PIK3CB: variants seen among roughly 807,000 people sequenced by gnomAD.
PIK3CB encodes the protein phosphatidylinositol 4,5-bisphosphate 3-kinase catalytic subunit beta isoform.
PIK3CB carries 39 observed loss-of-function variants against 136.8 expected under a neutral mutation model. That is an observed-to-expected ratio of 0.29 (90% CI 0.22 to 0.37). The LOEUF (loss-of-function observed/expected upper bound fraction) is 0.37, where lower values mean the gene tolerates loss of function less well. Ranked by LOEUF, PIK3CB falls within the 10% of genes least tolerant of loss-of-function variation. The pLI, the probability that PIK3CB is intolerant of heterozygous loss-of-function variation, is 1.00. For missense variants in PIK3CB, 868 were observed against 1,275.4 expected, an observed-to-expected ratio of 0.68 and a Z score of 4.87; for synonymous variants, 428 against 436.6, an observed-to-expected ratio of 0.98 and a Z score of 0.25.
intron 8 of PIK3CB, among the ~76,000 whole-genome samples, chr3:138,725,499 C>G (rs1032269121): frequency 6.6e-5 from 10 of 152,200 alleles, no homozygotes; most frequent in African/African-American, 2.4e-4. Context: ...TATTTTCTCA[C>G]AGGTTCCTGG....
chr3:138,829,290 T>C (rs1032432418), intron 1 of PIK3CB, among the ~76,000 whole-genome samples: 1 of 152,080 alleles, frequency 6.6e-6, no homozygotes, highest in South Asian at 2.1e-4. Flanking sequence ...AACAATTCGC[T>C]GACATGCAGA....
intron 6 of PIK3CB, 86 bp downstream of exon 6, chr3:138,737,621 C>T (rs565627018): frequency 1.7e-5 from 7 of 400,378 alleles, no homozygotes; most frequent in African/African-American, 1.3e-4. Flanking sequence ...AGTGTGGGAA[C>T]ACATTTTTAA....
In PIK3CB at chr3:138,719,235, ATTTTTTTTT is replaced by A. The variant is rs34980826; in HGVS notation, c.1051-4525_1051-4517del. Among the ~76,000 whole-genome samples, 310 of 69,642 alleles carry A rather than the reference ATTTTTTTTT, an allele frequency of 4.5e-3. 1 individual carries two copies. The highest frequency in any genetic ancestry group is 0.015 in the African/African-American group (244 of 16,530). The allele number at this position is 69,642 out of a possible 152,430, so 45.7% of individuals were successfully genotyped here. A position where few individuals can be genotyped will look rare whatever the true frequency, so the allele number is the denominator to read the frequency against. ...TATCAGAAACTTACATTAGCTCAGT[ATTTTTTTTT>A]TTTTTTTTTTTTTTTTTTTGAGATG... On this transcript the variant is annotated intron_variant, in intron 8 of 23. Transcript: ENST00000674063.
intron 2 of PIK3CB, chr3:138,770,365 T>G (rs796211392): frequency 1.6e-4 from 25 of 152,298 alleles, no homozygotes; most frequent in African/African-American, 5.8e-4. Flanking sequence ...CAACATAAAT[T>G]TGTTCTATAG....
At chr3:138,812,269 G>A (rs977401941) in intron 1 of PIK3CB, among the ~76,000 whole-genome samples, 27 of 150,138 alleles carry the variant, frequency 1.8e-4, no homozygotes, top group South Asian at 4.2e-4. Flanking sequence ...ACAGAGTCTC[G>A]CTGTCACCCA....
intron 1 of PIK3CB, among the ~76,000 whole-genome samples, chr3:138,808,596 G>A (rs1205021854): frequency 6.6e-6 from 1 of 151,876 alleles, no homozygotes; most frequent in Non-Finnish European, 1.5e-5. Context: ...TGGGGTGGGG[G>A]TCACTTGAGC....
intron 2 of PIK3CB, among the ~76,000 whole-genome samples, chr3:138,777,357 A>G (rs576745895): frequency 2.0e-5 from 3 of 152,158 alleles, no homozygotes; most frequent in Non-Finnish European, 4.4e-5. Context: ...CACTTAAGAC[A>G]CCTGCTTGTG....
chr3:138,821,862 G>C (rs1456697781), intron 1 of PIK3CB, among the ~76,000 whole-genome samples: 3 of 151,590 alleles, frequency 2.0e-5, no homozygotes, highest in African/African-American at 7.3e-5. Context: ...CAAGAGTTAA[G>C]ACAGCTTGGC....
intron 1 of PIK3CB, 141 bp downstream of exon 1, chr3:138,834,554 G>C (rs958702499): frequency 3.9e-5 from 6 of 152,386 alleles, no homozygotes; most frequent in African/African-American, 7.2e-5. Flanking sequence ...AGGAAGCGCG[G>C]TGCAACCACA....
rs1314430695 is a variant in PIK3CB at position 138,712,220 on chromosome 3, A to G, written c.1387T>C (p.Ser463Pro). 1 of 1,542,446 alleles carries G rather than the reference A, an allele frequency of 6.5e-7. No homozygotes were observed. The highest frequency in any genetic ancestry group is 8.9e-7 in the Non-Finnish European group (1 of 1,125,360). Residue 463 changes from serine to proline, a missense_variant, in exon 10 of 24, where the codon TCT (serine) becomes CCT (proline). Physicochemically the swap from Ser to Pro is moderately conservative, Grantham distance 74. Coordinates refer to ENST00000674063, the MANE Select transcript of PIK3CB (RefSeq NM_006219.3). Reference sequence around the variant, plus strand: ...ATGTAAATCTTACCAGGAAATGAAGACCAGCTGTGTAATATTATGTCTCCA... The same window carrying G: ...ATGTAAATCTTACCAGGAAATGAAGGCCAGCTGTGTAATATTATGTCTCCA... ...RTGDIILHSW[S>P]SFPDELEEML...
intron 2 of PIK3CB, among the ~76,000 whole-genome samples, chr3:138,771,667 A>T (rs946501637): frequency 6.6e-6 from 1 of 152,190 alleles, no homozygotes; most frequent in African/African-American, 2.4e-5. Flanking sequence ...ATTTAAACTT[A>T]TCCTCTCAAA....
chr3:138,751,381 C>T (rs374869813), intron 4 of PIK3CB, among the ~76,000 whole-genome samples: 6 of 151,932 alleles, frequency 3.9e-5, no homozygotes, highest in African/African-American at 1.4e-4. Flanking sequence ...TGGCGTGAAC[C>T]CAGGAGGTGA....
chr3:138,742,243 T>C (rs2045260740), intron 5 of PIK3CB, among the ~76,000 whole-genome samples: 1 of 152,222 alleles, frequency 6.6e-6, no homozygotes, highest in African/African-American at 2.4e-5. Flanking sequence ...CTTCTTCTTT[T>C]AAACATCCCT....
rs1465069109 is a variant in PIK3CB at position 138,655,504 on chromosome 3, C to T, written c.3098G>A (p.Ser1033Asn). ...YLKDSLALGK[S>N]EEEALKQFKQ... ...AAACTGTTTGAGTGCTTCTTCTTCA[C>T]TCTTCCCTAATGCAAGAGAGTCCTA... Residue 1033 changes from serine (S) to asparagine (N), a missense_variant, in exon 24 of 24, where the codon AGT becomes AAT. Physicochemically the swap from Ser to Asn is conservative, Grantham distance 46. Transcript: ENST00000674063. 3.1e-6 allele frequency: 5 copies of T among 1,612,066 alleles called. No homozygotes were observed. The African/African-American group carries it at 4.0e-5, about 13-fold the overall frequency.
chr3:138,783,277 T>G (rs934852889), intron 2 of PIK3CB, among the ~76,000 whole-genome samples: 7 of 145,774 alleles, frequency 4.8e-5, no homozygotes, highest in African/African-American at 1.5e-4. Context: ...AAGAGGGTGA[T>G]TTTTTTTTTT....
At chr3:138,675,962 C>T (rs2043633721) in intron 19 of PIK3CB, among the ~76,000 whole-genome samples, 1 of 152,080 alleles carries the variant, frequency 6.6e-6, no homozygotes. Flanking sequence ...GCTGAGACAA[C>T]TATACATCTA....
chr3:138,669,562 A>G (rs2043490828), intron 19 of PIK3CB, among the ~76,000 whole-genome samples: 1 of 152,042 alleles, frequency 6.6e-6, no homozygotes, highest in African/African-American at 2.4e-5. Context: ...TGGCAAATCT[A>G]CCCACGGCCA....
intron 19 of PIK3CB, among the ~76,000 whole-genome samples, chr3:138,667,861 G>A (rs574097817): frequency 4.2e-4 from 64 of 152,018 alleles, no homozygotes; most frequent in South Asian, 6.3e-4. Flanking sequence ...GAGATCAGGG[G>A]TTCGAGACCA....
Position 138,691,121 on chromosome 3 carries a change from G to A in PIK3CB, c.1915C>T (p.Leu639Phe). 1 of 1,613,000 alleles carries A rather than the reference G, an allele frequency of 6.2e-7. No homozygotes were observed. Among genetic ancestry groups the A allele is most frequent in the Non-Finnish European group, 8.5e-7 (1 of 1,179,398 alleles). Residue 639 changes from leucine (L) to phenylalanine (F), a missense_variant, in exon 15 of 24, where the codon CTT becomes TTT. Coordinates refer to ENST00000674063, the MANE Select transcript of PIK3CB (RefSeq NM_006219.3). ...TTTAACACTTGCACCAGTTGTAAAAGATATTGAGAAAGTTCTTCATCACTG... is the reference window on the plus strand; with the variant it reads ...TTTAACACTTGCACCAGTTGTAAAAAATATTGAGAAAGTTCTTCATCACTG... ...QMSDEELSQYLLQLVQVLKYE... is the reference protein window; with the variant it reads ...QMSDEELSQYFLQLVQVLKYE...
Sources: allele counts gnomAD v4.1 joint callset (sites outside exome capture counted in the v4.1 genomes callset), GRCh38; gene constraint gnomAD v4.1.1; transcripts MANE v1.5; gene names NCBI Gene and HGNC (gene_info 2026-07-23, HGNC 2026-07-21).